The following ADGRA1 variants were observed in gnomAD, a reference collection of about 807,000 sequenced individuals.
ADGRA1 encodes the protein G-protein coupled receptor 123.
A neutral mutation model predicts 21.3 loss-of-function variants in ADGRA1; 12 were observed. The observed-to-expected ratio is 0.56, with a 90% CI of 0.36 to 0.91. ADGRA1 has a LOEUF of 0.91. ADGRA1 is among the 40% of genes least tolerant of loss of function. ADGRA1 has a pLI of 0.01. For missense variants in ADGRA1, 790 were observed against 805.6 expected, an observed-to-expected ratio of 0.98 and a Z score of 0.23; for synonymous variants, 385 against 368.8, an observed-to-expected ratio of 1.04 and a Z score of -0.50.
At chr10:133,095,812 C>A in intron 2 of ADGRA1, 1 of 1,591,492 alleles carries the variant, frequency 6.3e-7, no homozygotes, top group Non-Finnish European at 8.5e-7. Context: ...GCCCTTCCTG[C>A]ACAGGAGGGT....
rs968560587 is a variant in ADGRA1, at chr10:133,129,550, G to T, written c.*39G>T. 6 of 1,515,956 alleles carry T rather than the reference G, an allele frequency of 4.0e-6. No individual in the cohort carries two copies. The African/African-American group carries it at 6.9e-5, about 17-fold the overall frequency. The allele number at this position is 1,515,956 out of a possible 1,614,324, so 93.9% of individuals were successfully genotyped here. ...ACACGGTGTTCCTGGAGGAGCTTCA[G>T]AGCAGAGTGGGGGGCCCATCTGCCA... On this transcript the variant is annotated 3_prime_UTR_variant, in exon 7 of 7. Coordinates refer to ENST00000392607, the MANE Select transcript of ADGRA1 (RefSeq NM_001083909.3).
chr10:133,122,902 T>C (rs1852301466), intron 5 of ADGRA1, among the ~76,000 whole-genome samples: 1 of 151,396 alleles, frequency 6.6e-6, no homozygotes, highest in Admixed American at 6.6e-5. Context: ...GTTCCTGGAG[T>C]TGTTGTCTCA....
chr10:133,111,372 CAA>C (rs1852001751), intron 5 of ADGRA1, among the ~76,000 whole-genome samples: 5 of 92,442 alleles, frequency 5.4e-5, no homozygotes, highest in Non-Finnish European at 1.0e-4. Flanking sequence ...TCCCACCAGA[CAA>C]CCTGCCCACC....
chr10:133,120,585 G>A (rs1852236274), intron 5 of ADGRA1, among the ~76,000 whole-genome samples: 1 of 152,118 alleles, frequency 6.6e-6, no homozygotes, highest in Non-Finnish European at 1.5e-5. Context: ...CTGCTAACTT[G>A]GAGCATTTTT....
chr10:133,125,101 ATC>A lies in ADGRA1; in HGVS notation c.402-2129_402-2128del, dbSNP rs57319199. ...CCGTGTAGCCGCTGTAGCTCTCTTA[ATC>A]TCACAGTTGGCACTGCATGGCCTTT... On this transcript the variant is annotated intron_variant, in intron 5 of 6. Coordinates refer to ENST00000392607, the MANE Select transcript of ADGRA1 (RefSeq NM_001083909.3). 3.7e-3 allele frequency among the ~76,000 whole-genome samples: 557 copies of A among 152,254 alleles called. 7 individuals carry two copies. The highest frequency in any genetic ancestry group is 5.8e-3 in the Non-Finnish European group (392 of 68,010).
chr10:133,121,096 C>T (rs1021870381), intron 5 of ADGRA1, among the ~76,000 whole-genome samples: 2 of 152,184 alleles, frequency 1.3e-5, no homozygotes, highest in Non-Finnish European at 2.9e-5. Flanking sequence ...CTTATACGGG[C>T]GTGGTTTGTG....
intron 2 of ADGRA1, chr10:133,095,709 C>T (rs555156120): frequency 7.1e-5 from 114 of 1,597,856 alleles, no homozygotes; most frequent in Middle Eastern, 1.7e-4. Context: ...CTTGGCTGGA[C>T]GGACAAGAAG....
chr10:133,092,301 T>G (rs1851608132), intron 2 of ADGRA1, among the ~76,000 whole-genome samples: 1 of 152,218 alleles, frequency 6.6e-6, no homozygotes, highest in Non-Finnish European at 1.5e-5. Flanking sequence ...ATCTCACAGA[T>G]GGAGAGTTTG....
At chr10:133,111,265 ACC>A (rs1851996408) in intron 5 of ADGRA1, among the ~76,000 whole-genome samples, 1 of 76,830 alleles carries the variant, frequency 1.3e-5, no homozygotes, top group Admixed American at 1.2e-4. Flanking sequence ...CACCACAGGC[ACC>A]TCCCTCCTAA....
At position 133,128,964 on chromosome 10, in the gene ADGRA1, C is replaced by T. The variant is rs747067166; in HGVS notation, c.1136C>T (p.Pro379Leu). Residue 379 changes from proline to leucine, a missense_variant, in exon 7 of 7, where the codon CCG (proline) becomes CTG (leucine). Pro to Leu is a moderately conservative substitution (Grantham distance 98). Around this residue, in one of 3 missense-constraint regions of ADGRA1, gnomAD observed 391 missense variants for 351.5 expected, o/e 1.11. Coordinates refer to ENST00000392607, the MANE Select transcript of ADGRA1 (RefSeq NM_001083909.3). The stretch of plus-strand genomic sequence containing the variant: ...CAGGGCCACGCCAGTTGCCTGTCAC[C>T]GGCCACCCCGTGCTGCGCCAAGATG... ...AAQGHASCLS[P>L]ATPCCAKMHC... The T allele has an allele frequency of 2.1e-5, 33 of 1,555,522 alleles. No individual in the cohort carries two copies. The highest frequency in any genetic ancestry group is 3.7e-5 in the Admixed American group (2 of 54,196).
intron 2 of ADGRA1, among the ~76,000 whole-genome samples, chr10:133,092,843 A>G (rs58370938): frequency 0.011 from 372 of 34,682 alleles, 2 homozygotes; most frequent in African/African-American, 0.052. Context: ...GAGGGAGGGA[A>G]GGAAGGAAGG....
At chr10:133,092,517 ATTC>A (rs1370898436) in intron 2 of ADGRA1, among the ~76,000 whole-genome samples, 1 of 152,188 alleles carries the variant, frequency 6.6e-6, no homozygotes, top group East Asian at 1.9e-4. Flanking sequence ...GGAGGAATAA[ATTC>A]TTCTCCTCTA....
In ADGRA1 at chr10:133,102,737, T is replaced by C; in HGVS notation, c.296T>C (p.Leu99Pro). Residue 99 changes from leucine (L) to proline (P), a missense_variant, in exon 5 of 7, where the codon CTG (leucine) becomes CCG (proline). Around this residue, in one of 3 missense-constraint regions of ADGRA1, gnomAD observed 382 missense variants for 415.6 expected, o/e 0.92. Coordinates refer to ENST00000392607, the MANE Select transcript of ADGRA1 (RefSeq NM_001083909.3). ...VLHYSTLSTM[L>P]WIGVTARNIY... Reference sequence around the variant, plus strand: ...CACTATTCTACACTGTCCACCATGCTGTGGATAGGAGTGACCGCCAGGAAC... The same window carrying C: ...CACTATTCTACACTGTCCACCATGCCGTGGATAGGAGTGACCGCCAGGAAC... 1.2e-6 allele frequency: 2 copies of C among 1,612,466 alleles called. No homozygotes were observed. The highest frequency in any genetic ancestry group is 1.7e-6 in the Non-Finnish European group (2 of 1,179,618).
chr10:133,129,565 C>G lies in ADGRA1; in HGVS notation c.*54C>G. 2 of 1,459,674 alleles carry G rather than the reference C, an allele frequency of 1.4e-6. No individual in the cohort carries two copies. Among genetic ancestry groups the G allele is most frequent in the Non-Finnish European group, 1.8e-6 (2 of 1,090,638 alleles). The allele number at this position is 1,459,674 out of a possible 1,614,324, so 90.4% of individuals were successfully genotyped here. A position where few individuals can be genotyped will look rare whatever the true frequency, so the allele number is the denominator to read the frequency against. On this transcript the variant is annotated 3_prime_UTR_variant, in exon 7 of 7. Transcript: ENST00000392607. ...AGGAGCTTCAGAGCAGAGTGGGGGG[C>G]CCATCTGCCACATGAGGTCACTGGG...
chr10:133,102,702 C>T lies in ADGRA1; in HGVS notation c.261C>T (p.Gly87=). The change falls in exon 5 of 7, where the codon GGC becomes GGT. Residue 87 remains glycine (G), a synonymous_variant. Coordinates refer to ENST00000392607, the MANE Select transcript of ADGRA1 (RefSeq NM_001083909.3). ...TGACCGCTGCTCCCCCACAGGTGGG[C>T]ATCGTGCTGCACTATTCTACACTGT... is the stretch of plus-strand genomic sequence containing the variant. ...TKYPILCQAV[G]IVLHYSTLST... is the part of the protein sequence containing the mutation. The T allele has an allele frequency of 3.8e-6, 6 of 1,596,496 alleles. No individual in the cohort carries two copies. Among genetic ancestry groups the T allele is most frequent in the Non-Finnish European group, 5.1e-6 (6 of 1,166,948 alleles).
chr10:133,129,066 T>C lies in ADGRA1; in HGVS notation c.1238T>C (p.Leu413Pro). ...GGCGCCTTCGGGCACGACCCCCACC[T>C]GCACGGGTGCCTTCAGGGCAGAACT... ...EEGAFGHDPHLHGCLQGRTKP... is the reference protein window; with the variant it reads ...EEGAFGHDPHPHGCLQGRTKP... Residue 413 changes from leucine to proline, a missense_variant, in exon 7 of 7, where the codon CTG becomes CCG. This residue lies in a region of ADGRA1 where 391 missense variants were observed against 351.5 expected (regional missense o/e 1.11). Transcript: ENST00000392607. The C allele has an allele frequency of 6.4e-7, 1 of 1,551,308 alleles. No homozygotes were observed. The highest frequency in any genetic ancestry group is 8.7e-7 in the Non-Finnish European group (1 of 1,146,094).
At chr10:133,099,233 A>G (rs1851747975) in intron 4 of ADGRA1, among the ~76,000 whole-genome samples, 1 of 150,916 alleles carries the variant, frequency 6.6e-6, no homozygotes, top group East Asian at 2.0e-4. Context: ...TCCAGGAGAA[A>G]GTGCTGGGGG....
intron 5 of ADGRA1, among the ~76,000 whole-genome samples, chr10:133,113,226 G>A (rs151261668): frequency 0.016 from 2,383 of 151,936 alleles, 42 homozygotes; most frequent in African/African-American, 0.052. Flanking sequence ...TGCGGGCCGC[G>A]TCAGTTATTT....
intron 4 of ADGRA1, 129 bp from the exon 5 acceptor site, chr10:133,102,568 G>A: frequency 8.9e-7 from 1 of 1,123,460 alleles, no homozygotes; most frequent in South Asian, 1.5e-5. Context: ...GCCGCTGCCT[G>A]CCCTGGGATA....
Sources: gnomAD v4.1 joint callset for allele counts (sites outside exome capture counted in the v4.1 genomes callset) on GRCh38, gnomAD v4.1.1 for gene constraint, gnomAD v4.1.1 regional missense constraint, MANE v1.5 for transcripts, NCBI Gene and HGNC (gene_info 2026-07-23, HGNC 2026-07-21) for gene names.